The following PZP variants were observed in gnomAD, a reference collection of about 807,000 sequenced individuals.
PZP encodes the protein pregnancy zone protein.
In PZP, 150 loss-of-function variants were observed where a neutral mutation model predicts 179.8. That is an observed-to-expected ratio of 0.83 (90% CI 0.73 to 0.96). PZP has a LOEUF of 0.96. PZP is among the 40% of genes least tolerant of loss of function. The pLI is 0.00. For missense variants in PZP, 1,689 were observed against 1,764.0 expected (o/e 0.96, Z 0.76); for synonymous variants, 624 against 652.3 (o/e 0.96, Z 0.66).
chr12:9,174,802 A>G (rs1354805737), intron 15 of PZP, among the ~76,000 whole-genome samples: 2 of 152,338 alleles, frequency 1.3e-5, no homozygotes, highest in Non-Finnish European at 1.5e-5. Context: ...CTGCTCAAGG[A>G]TATCATAGAG....
At chr12:9,199,380 A>C (rs1944020224) in intron 7 of PZP, among the ~76,000 whole-genome samples, 1 of 152,182 alleles carries the variant, frequency 6.6e-6, no homozygotes, top group Non-Finnish European at 1.5e-5. Flanking sequence ...ATACATATGA[A>C]GAAAAGGAGA....
At chr12:9,160,221 T>G (rs1941075035) in intron 24 of PZP, 93 bp downstream of exon 24, 1 of 1,262,974 alleles carries the variant, frequency 7.9e-7, no homozygotes, top group East Asian at 2.3e-5. Flanking sequence ...ATAAAAATTA[T>G]CATCATGGGT....
At chr12:9,160,776 G>T (rs978703258) in intron 23 of PZP, among the ~76,000 whole-genome samples, 1 of 152,020 alleles carries the variant, frequency 6.6e-6, no homozygotes, top group South Asian at 2.1e-4. Flanking sequence ...TTAGCCGGGC[G>T]TGGTGGCGGG....
chr12:9,201,192 C>T, intron 5 of PZP, 132 bp from the exon 6 acceptor site: 2 of 1,352,524 alleles, frequency 1.5e-6, no homozygotes, highest in Non-Finnish European at 2.1e-6. Flanking sequence ...AAAATACAAT[C>T]AACCTGACAA....
intron 3 of PZP, 62 bp downstream of exon 3, chr12:9,202,463 A>C: frequency 1.2e-6 from 2 of 1,612,262 alleles, no homozygotes; most frequent in African/African-American, 2.7e-5. Flanking sequence ...GATAATGGAG[A>C]CTTTGGCTGT....
intron 35 of PZP, among the ~76,000 whole-genome samples, chr12:9,149,257 G>A (rs1352874612): frequency 2.0e-5 from 3 of 152,216 alleles, no homozygotes; most frequent in African/African-American, 7.2e-5. Context: ...TTTGGTTTTA[G>A]GTGTGTGATT....
At chr12:9,156,437 T>C (rs1391026804) in intron 28 of PZP, 1 of 155,138 alleles carries the variant, frequency 6.4e-6, no homozygotes, top group Non-Finnish European at 1.5e-5. Context: ...ATAATTATGA[T>C]GGTAGCTGAA....
At chr12:9,194,049 C>G (rs778295354) in intron 11 of PZP, 28 bp downstream of exon 11, 2 of 1,586,504 alleles carry the variant, frequency 1.3e-6, no homozygotes. Flanking sequence ...TTTCCTTTGT[C>G]CTCAGAGATT....
chr12:9,201,309 A>G lies in PZP; in HGVS notation c.501+18T>C, dbSNP rs369159346. The G allele has an allele frequency of 2.6e-6, 4 of 1,522,292 alleles. No homozygotes were observed. The African/African-American group carries it at 4.1e-5, about 16-fold the overall frequency. The allele number at this position is 1,522,292 out of a possible 1,614,324, so 94.3% of individuals were successfully genotyped here. On this transcript the variant is annotated intron_variant, in intron 5 of 35. Coordinates refer to ENST00000261336, the MANE Select transcript of PZP (RefSeq NM_002864.3). ...AAAAGCACTAATTTCCTTATAAGAT[A>G]CTTTTTCTGATACTTACCTCAAGGT... is the stretch of plus-strand genomic sequence containing the variant.
intron 13 of PZP, among the ~76,000 whole-genome samples, chr12:9,188,902 T>C (rs1447285105): frequency 1.3e-5 from 2 of 152,020 alleles, no homozygotes; most frequent in Non-Finnish European, 2.9e-5. Context: ...GGAAAAATAT[T>C]CCATGCTCAT....
chr12:9,202,281 T>A (rs1363197815), intron 4 of PZP, 38 bp downstream of exon 4: 2 of 1,547,818 alleles, frequency 1.3e-6, no homozygotes, highest in African/African-American at 1.4e-5. Context: ...GTATTCCCAC[T>A]CTACCCACAA....
intron 5 of PZP, 98 bp downstream of exon 5, chr12:9,201,229 A>C (rs1944137577): frequency 7.5e-7 from 1 of 1,342,144 alleles, no homozygotes; most frequent in South Asian, 1.3e-5. Flanking sequence ...TTCAGATCTG[A>C]AAATTTTTAA....
intron 1 of PZP, among the ~76,000 whole-genome samples, chr12:9,207,120 G>A (rs183270102): frequency 6.6e-6 from 1 of 152,284 alleles, no homozygotes; most frequent in East Asian, 1.9e-4. Flanking sequence ...TCTGCTTTCT[G>A]CGCTTTGGCC....
intron 15 of PZP, among the ~76,000 whole-genome samples, chr12:9,175,975 T>A (rs1279483490): frequency 6.6e-6 from 1 of 152,192 alleles, no homozygotes; most frequent in Non-Finnish European, 1.5e-5. Flanking sequence ...GCCATAGGAA[T>A]ATAAATTATT....
At chr12:9,205,125 T>C (rs1013244368) in intron 1 of PZP, among the ~76,000 whole-genome samples, 3 of 152,198 alleles carry the variant, frequency 2.0e-5, no homozygotes, top group African/African-American at 4.8e-5. Flanking sequence ...ATATGAGTAC[T>C]AAAAGTCATA....
At chr12:9,141,093 A>G in the PZP span, among the ~76,000 whole-genome samples, 4 of 152,360 alleles carry the variant, frequency 2.6e-5, no homozygotes, top group Non-Finnish European at 5.9e-5. Context: ...TAGTAGCCAT[A>G]AAGTTACAAT....
intron 13 of PZP, among the ~76,000 whole-genome samples, chr12:9,190,705 T>A (rs1943411343): frequency 6.6e-6 from 1 of 152,122 alleles, no homozygotes; most frequent in Non-Finnish European, 1.5e-5. Context: ...ATAAAAGTTT[T>A]AAACATAATA....
At chr12:9,136,474 G>T in the PZP span, among the ~76,000 whole-genome samples, 1 of 151,946 alleles carries the variant, frequency 6.6e-6, no homozygotes, top group African/African-American at 2.4e-5. Flanking sequence ...GTAATAAATT[G>T]TTTCTTATCT....
intron 26 of PZP, 37 bp downstream of exon 26, chr12:9,158,380 TTGA>T: frequency 6.2e-7 from 1 of 1,609,346 alleles, no homozygotes; most frequent in Non-Finnish European, 8.5e-7. Context: ...GGATGTTATG[TTGA>T]TGTGTGTCAG....
Sources: allele counts gnomAD v4.1 joint callset (sites outside exome capture counted in the v4.1 genomes callset), GRCh38; gene constraint gnomAD v4.1.1; transcripts MANE v1.5; gene names NCBI Gene and HGNC (gene_info 2026-07-23, HGNC 2026-07-21).